USP24: variants seen among roughly 807,000 people sequenced by gnomAD.
USP24 encodes the protein ubiquitin carboxyl-terminal hydrolase 24.
USP24 carries 97 observed loss-of-function variants against 361.6 expected under a neutral mutation model. The ratio of observed to expected loss-of-function variants is 0.27; its 90% CI spans 0.23 to 0.32. The LOEUF (loss-of-function observed/expected upper bound fraction) is 0.32. Among genes scored for constraint, USP24 ranks in the 10% least tolerant of loss-of-function variants. USP24 has a pLI of 1.00. For missense variants in USP24, 2,353 were observed against 3,165.6 expected, an observed-to-expected ratio of 0.74 and a Z score of 6.16; for synonymous variants, 1,098 against 1,124.6, an observed-to-expected ratio of 0.98 and a Z score of 0.47.
At chr1:55,166,690 C>A in intron 5 of USP24, 87 bp from the exon 6 acceptor site, 1 of 1,274,936 alleles carries the variant, frequency 7.8e-7, no homozygotes, top group Non-Finnish European at 1.1e-6. Flanking sequence ...AATGAAAAGT[C>A]AGAAGAAAAA....
In USP24 at chr1:55,067,893, G is replaced by A. The variant is rs1366102631; in HGVS notation, c.*1152C>T. 1.3e-5 allele frequency: 2 copies of A among 152,204 alleles called. No individual in the cohort carries two copies. Among genetic ancestry groups the A allele is most frequent in the African/African-American group, 4.8e-5 (2 of 41,462 alleles). 9.4% of individuals were successfully genotyped at this position (152,204 alleles called of 1,614,324 possible). A position where few individuals can be genotyped will look rare whatever the true frequency, so the allele number is the denominator to read the frequency against. ...GAATGGTGCTATACTTTGGAAATAC[G>A]ACTAAATGGATGGTTATTCAATTGC... On this transcript the variant is annotated 3_prime_UTR_variant, in exon 68 of 68. Transcript: ENST00000294383.
chr1:55,132,654 G>A lies in USP24; in HGVS notation c.3428C>T (p.Ser1143Phe), dbSNP rs780990315. The A allele has an allele frequency of 6.2e-7, 1 of 1,613,522 alleles. No individual in the cohort carries two copies. The highest frequency in any genetic ancestry group is 8.5e-7 in the Non-Finnish European group (1 of 1,179,706). ...ESSSQSSKSP[S>F]LSSKQQHQPS... ...CTGGTGCTGTTGCTTTGATGACAGGGATGGAGATTTTGAGGACTGAGAACT... is the reference window on the plus strand; with the variant it reads ...CTGGTGCTGTTGCTTTGATGACAGGAATGGAGATTTTGAGGACTGAGAACT... The change falls in exon 31 of 68, where the codon TCC becomes TTC. Residue 1143 changes from serine to phenylalanine, a missense_variant. By Grantham distance (155) the Ser-to-Phe change is radical. Transcript: ENST00000294383.
At chr1:55,166,038 A>G (rs1570590627) in intron 6 of USP24, 88 bp from the exon 7 acceptor site, 2 of 1,205,800 alleles carry the variant, frequency 1.7e-6, no homozygotes, top group Non-Finnish European at 2.3e-6. Context: ...GTAGGTGTAT[A>G]TGTTTATGGG....
chr1:55,101,499 C>A, intron 43 of USP24, 85 bp downstream of exon 43: 1 of 1,531,004 alleles, frequency 6.5e-7, no homozygotes, highest in South Asian at 1.2e-5. Flanking sequence ...TAGGAAACCC[C>A]AAAAGCAATA....
intron 58 of USP24, among the ~76,000 whole-genome samples, chr1:55,082,890 C>T (rs868485607): frequency 6.6e-6 from 1 of 152,152 alleles, no homozygotes; most frequent in African/African-American, 2.4e-5. Flanking sequence ...TATAACAGCA[C>T]AACTTTGCAT....
Position 55,071,573 on chromosome 1 carries a change from G to A in USP24, c.7800+241C>T, listed in dbSNP as rs181782208. The A allele has an allele frequency of 7.6e-6, 10 of 1,316,032 alleles. No homozygotes were observed. In the South Asian group the frequency reaches 1.1e-4, roughly 14 times the overall value. 81.5% of individuals were successfully genotyped at this position (1,316,032 alleles called of 1,614,324 possible). On this transcript the variant is annotated intron_variant, in intron 67 of 67. Coordinates refer to ENST00000294383, the MANE Select transcript of USP24 (RefSeq NM_015306.3). ...ATCGGGACTACCTGCAGGCTGATCA[G>A]GGTGGCCAGCCACAAACACCTCGAG...
rs568010718 is a variant in USP24 at position 55,185,727 on chromosome 1, A to G, written c.325-7595T>C. Among the ~76,000 whole-genome samples, 428 of 64,432 alleles carry G rather than the reference A, an allele frequency of 6.6e-3. 6 individuals are homozygous for G. The highest frequency in any genetic ancestry group is 6.6e-3 in the Non-Finnish European group (227 of 34,602). 42.3% of individuals were successfully genotyped at this position (64,432 alleles called of 152,430 possible). On this transcript the variant is annotated intron_variant, in intron 1 of 67. Coordinates refer to ENST00000294383, the MANE Select transcript of USP24 (RefSeq NM_015306.3). ...AGAAGCACACCACCATACCTGGTTC[A>G]TCTTTCTGATTTTTTTTTTTTTGTA...
At position 55,093,925 on chromosome 1, in the gene USP24, T is replaced by G; in HGVS notation, c.6354+12A>C. ...GGATATTCCCCCTTAGAATTTTTTATATGGTTCTTACCTGGTATATTCGAG... is the reference window on the plus strand; with the variant it reads ...GGATATTCCCCCTTAGAATTTTTTAGATGGTTCTTACCTGGTATATTCGAG... On this transcript the variant is annotated intron_variant, in intron 52 of 67. Coordinates refer to ENST00000294383, the MANE Select transcript of USP24 (RefSeq NM_015306.3). The G allele has an allele frequency of 6.2e-7, 1 of 1,613,348 alleles. No homozygotes were observed. The highest frequency in any genetic ancestry group is 2.2e-5 in the East Asian group (1 of 44,876).
At chr1:55,171,852 T>A (rs1171677918) in intron 4 of USP24, among the ~76,000 whole-genome samples, 174 bp from the exon 5 acceptor site, 1 of 152,240 alleles carries the variant, frequency 6.6e-6, no homozygotes, top group East Asian at 1.9e-4. Context: ...ATTAATGTGC[T>A]ATTCTCCTGT....
In USP24 at chr1:55,154,185, A is replaced by G. The variant is rs1353183385; in HGVS notation, c.1746T>C (p.Asp582=). ...ALEEHLTILS[D]AYAVKEAIKR... ...TGATTGCTTCTTTCACTGCATATGC[A>G]TCACTAAGGATTGTCAGGTGCTCCT... The change falls in exon 15 of 68, where the codon GAT becomes GAC. Residue 582 remains aspartate, a synonymous_variant. Transcript: ENST00000294383. 1 of 1,613,640 alleles carries G rather than the reference A, an allele frequency of 6.2e-7. No homozygotes were observed. The highest frequency in any genetic ancestry group is 2.2e-5 in the East Asian group (1 of 44,872).
intron 32 of USP24, among the ~76,000 whole-genome samples, chr1:55,128,357 T>C (rs1646495651): frequency 6.6e-6 from 1 of 152,170 alleles, no homozygotes; most frequent in South Asian, 2.1e-4. Flanking sequence ...GCTTAGTAAC[T>C]GCCTGTTTTT....
At chr1:55,136,551 C>A (rs1312634593) in intron 28 of USP24, among the ~76,000 whole-genome samples, 2 of 152,124 alleles carry the variant, frequency 1.3e-5, no homozygotes, top group Non-Finnish European at 2.9e-5. Flanking sequence ...CTAAAATATG[C>A]CAGGTGAGGC....
At chr1:55,159,709 T>C (rs1158508391) in intron 8 of USP24, 24 bp from the exon 9 acceptor site, 4 of 1,544,454 alleles carry the variant, frequency 2.6e-6, no homozygotes, top group Middle Eastern at 1.7e-4. Flanking sequence ...ATGCTACAGT[T>C]AAGAACTCCC....
intron 38 of USP24, among the ~76,000 whole-genome samples, chr1:55,118,777 G>A (rs1023354535): frequency 2.0e-5 from 3 of 152,118 alleles, no homozygotes; most frequent in Non-Finnish European, 2.9e-5. Flanking sequence ...GAAGATATAC[G>A]AATGGCCAAC....
intron 30 of USP24, among the ~76,000 whole-genome samples, chr1:55,133,006 T>C (rs1646634877): frequency 6.6e-6 from 1 of 152,200 alleles, no homozygotes; most frequent in African/African-American, 2.4e-5. Flanking sequence ...TATCTCTAAA[T>C]ACTGATAATA....
chr1:55,094,223 C>T, intron 51 of USP24, 136 bp from the exon 52 acceptor site: 2 of 823,380 alleles, frequency 2.4e-6, no homozygotes, highest in Non-Finnish European at 3.6e-6. Context: ...TAAAACTGTA[C>T]CACATAAATA....
chr1:55,107,933 A>T (rs1309248871), intron 39 of USP24, among the ~76,000 whole-genome samples: 1 of 151,826 alleles, frequency 6.6e-6, no homozygotes, highest in Non-Finnish European at 1.5e-5. Context: ...ACAGGGAATG[A>T]AGTCACCCCC....
intron 31 of USP24, 76 bp from the exon 32 acceptor site, chr1:55,129,650 A>G: frequency 6.1e-6 from 7 of 1,153,858 alleles, no homozygotes; most frequent in Non-Finnish European, 8.9e-6. Context: ...TAAAACATTC[A>G]GACAACTTGA....
chr1:55,183,261 A>T (rs1644029853), intron 1 of USP24, among the ~76,000 whole-genome samples: 1 of 152,194 alleles, frequency 6.6e-6, no homozygotes, highest in Non-Finnish European at 1.5e-5. Context: ...ATTTTTAGGA[A>T]GTATATAAGG....
Sources: allele counts gnomAD v4.1 joint callset (sites outside exome capture counted in the v4.1 genomes callset), GRCh38; gene constraint gnomAD v4.1.1; transcripts MANE v1.5; gene names NCBI Gene and HGNC (gene_info 2026-07-23, HGNC 2026-07-21).